SLC43A2: variants seen among roughly 807,000 people sequenced by gnomAD.
SLC43A2 encodes the protein solute carrier family 43 member 2.
SLC43A2 carries 38 observed loss-of-function variants against 63.2 expected under a neutral mutation model. The ratio of observed to expected loss-of-function variants is 0.60; its 90% CI spans 0.46 to 0.79. The LOEUF is 0.79. Among genes scored for constraint, SLC43A2 ranks in the 30% least tolerant of loss-of-function variants. SLC43A2 has a pLI of 0.00. For missense variants in SLC43A2, 644 were observed against 756.2 expected, an observed-to-expected ratio of 0.85 and a Z score of 1.74; for synonymous variants, 322 against 331.0, an observed-to-expected ratio of 0.97 and a Z score of 0.30.
intron 2 of SLC43A2, among the ~76,000 whole-genome samples, chr17:1,618,700 C>T (rs1907898421): frequency 6.6e-6 from 1 of 152,218 alleles, no homozygotes; most frequent in Admixed American, 6.5e-5. Context: ...ATAAAAACAA[C>T]AGGGCCAGGT....
intron 4 of SLC43A2, 134 bp downstream of exon 4, chr17:1,614,845 G>GT (rs1907447989): frequency 2.4e-6 from 2 of 850,312 alleles, no homozygotes; most frequent in East Asian, 2.7e-5. Context: ...GAGTAGAGGC[G>GT]TAACAGGTGT....
At position 1,591,339 on chromosome 17, in the gene SLC43A2, C is replaced by T. The variant is rs768378093; in HGVS notation, c.861G>A (p.Ala287=). The change falls in exon 8 of 14, where the codon GCG becomes GCA. Residue 287 remains alanine, a synonymous_variant. Coordinates refer to ENST00000301335, the MANE Select transcript of SLC43A2 (RefSeq NM_152346.3). Reference sequence around the variant, plus strand: ...GGCACAGCTTGTGGCCCTCCTGCAGCGCCACCTGCTCCTTGGCACTCCTCA... The same window carrying T: ...GGCACAGCTTGTGGCCCTCCTGCAGTGCCACCTGCTCCTTGGCACTCCTCA... ...SSMRSAKEQV[A]LQEGHKLCLS... 2.4e-5 allele frequency: 39 copies of T among 1,609,988 alleles called. No homozygotes were observed. The highest frequency in any genetic ancestry group is 8.3e-5 in the Admixed American group (5 of 60,006).
intron 9 of SLC43A2, among the ~76,000 whole-genome samples, chr17:1,587,140 G>T (rs2076116596): frequency 6.8e-6 from 1 of 147,394 alleles, no homozygotes; most frequent in Non-Finnish European, 1.5e-5. Context: ...GCGCTCAGGG[G>T]AGGCAGAGCT....
rs530223415 is a variant in SLC43A2, at chr17:1,591,263, G to A, written c.931+6C>T. ...CCGTCGCCCGGCTGCGGTCTCAGGC[G>A]GGTACCTGCGGCATCCGGCTGGCAC... On this transcript the variant is annotated splice_donor_region_variant and intron_variant, in intron 8 of 13. Coordinates refer to ENST00000301335, the MANE Select transcript of SLC43A2 (RefSeq NM_152346.3). 53 of 1,602,322 alleles carry A rather than the reference G, an allele frequency of 3.3e-5. No homozygotes were observed. In the African/African-American group the frequency reaches 4.3e-4, roughly 13 times the overall value.
Position 1,578,239 on chromosome 17 carries a change from C to T in SLC43A2, c.1424+11G>A, listed in dbSNP as rs771406090. 6.2e-7 allele frequency: 1 copy of T among 1,611,882 alleles called. No homozygotes were observed. The highest frequency in any genetic ancestry group is 1.7e-5 in the Admixed American group (1 of 60,002). ...TCGCCCACCAGGCCACCTGCGGCTTCCAGGACTTACACGGCAGCGTACAGG... is the reference window on the plus strand; with the variant it reads ...TCGCCCACCAGGCCACCTGCGGCTTTCAGGACTTACACGGCAGCGTACAGG... On this transcript the variant is annotated intron_variant, in intron 12 of 13. Coordinates refer to ENST00000301335, the MANE Select transcript of SLC43A2 (RefSeq NM_152346.3). The surrounding 1 kb of genome is among the most constrained non-coding windows in gnomAD (Gnocchi z 6.5).
At chr17:1,581,222 G>GCACACACACACA (rs1013967085) in intron 11 of SLC43A2, among the ~76,000 whole-genome samples, 1 of 115,344 alleles carries the variant, frequency 8.7e-6, no homozygotes, top group Non-Finnish European at 1.9e-5. Context: ...ACACACACAC[G>GCACACACACACA]CACGCTGTGC....
Position 1,593,345 on chromosome 17 carries a change from A to T in SLC43A2, c.502-66T>A. On this transcript the variant is annotated intron_variant, in intron 5 of 13. Coordinates refer to ENST00000301335, the MANE Select transcript of SLC43A2 (RefSeq NM_152346.3). This position sits in a 1 kb window ranked among gnomAD's most constrained non-coding sequence, Gnocchi z 5.3. ...CACCAGGGAAGGGGAGGAGGAGGGG[A>T]CAGAGAACTAGGCCCCATGAGGCCC... is the stretch of plus-strand genomic sequence containing the variant. 2 of 1,441,624 alleles carry T rather than the reference A, an allele frequency of 1.4e-6. No individual in the cohort carries two copies. Among genetic ancestry groups the T allele is most frequent in the Non-Finnish European group, 1.9e-6 (2 of 1,035,914 alleles). 89.3% of individuals were successfully genotyped at this position (1,441,624 alleles called of 1,614,324 possible). A position where few individuals can be genotyped will look rare whatever the true frequency, so the allele number is the denominator to read the frequency against.
chr17:1,583,509 G>C lies in SLC43A2; in HGVS notation c.1218-173C>G. 2 of 1,157,942 alleles carry C rather than the reference G, an allele frequency of 1.7e-6. No homozygotes were observed. Among genetic ancestry groups the C allele is most frequent in the Non-Finnish European group, 2.4e-6 (2 of 849,676 alleles). The allele number at this position is 1,157,942 out of a possible 1,614,324, so 71.7% of individuals were successfully genotyped here. A position where few individuals can be genotyped will look rare whatever the true frequency, so the allele number is the denominator to read the frequency against. On this transcript the variant is annotated intron_variant, in intron 10 of 13. Coordinates refer to ENST00000301335, the MANE Select transcript of SLC43A2 (RefSeq NM_152346.3). The surrounding 1 kb of genome is among the most constrained non-coding windows in gnomAD (Gnocchi z 5.5). ...TGGACCAGCACTACGGACACTCCCC[G>C]GCCCTTCTCAGTGGCAAGCTGAGTG...
chr17:1,576,827 T>G, intron 12 of SLC43A2, 107 bp from the exon 13 acceptor site: 3 of 1,379,856 alleles, frequency 2.2e-6, no homozygotes, highest in Non-Finnish European at 1.9e-6. Flanking sequence ...AAGGGTGGGG[T>G]GCCAGCCCTC....
At chr17:1,603,647 T>C (rs1298548429) in intron 5 of SLC43A2, among the ~76,000 whole-genome samples, 2 of 151,976 alleles carry the variant, frequency 1.3e-5, no homozygotes, top group African/African-American at 4.8e-5. Context: ...TAGCCAGGCG[T>C]GGTGGCGTGC....
chr17:1,604,036 A>G (rs770530027), intron 5 of SLC43A2, among the ~76,000 whole-genome samples: 22 of 151,922 alleles, frequency 1.4e-4, no homozygotes, highest in Non-Finnish European at 2.9e-4. Context: ...TTTATTTTTC[A>G]TTCATTTACT....
chr17:1,579,392 C>T (rs1296958465), intron 11 of SLC43A2, among the ~76,000 whole-genome samples: 3 of 147,488 alleles, frequency 2.0e-5, no homozygotes, highest in African/African-American at 5.0e-5. Context: ...ACCGGGGAGG[C>T]GGAGGTTGCG....
chr17:1,626,521 ATTCTCCTGCT>A (rs989802696), intron 2 of SLC43A2, among the ~76,000 whole-genome samples: 3 of 152,254 alleles, frequency 2.0e-5, no homozygotes, highest in African/African-American at 7.2e-5. Flanking sequence ...CGGCCTCTGC[ATTCTCCTGCT>A]TTCTCCTGCC....
Position 1,613,264 on chromosome 17 carries a change from G to T in SLC43A2, c.432C>A (p.Ser144=). ...AYGASKPNAL[S]VLIFIALALN... The stretch of plus-strand genomic sequence containing the variant: ...GAGCCAGGGCGATGAAGATGAGCAC[G>T]GAGAGAGCTGCAGGGACATGGAAAG... Residue 144 remains serine, a synonymous_variant, in exon 5 of 14, where the codon TCC becomes TCA. Coordinates refer to ENST00000301335, the MANE Select transcript of SLC43A2 (RefSeq NM_152346.3). 1 of 1,614,094 alleles carries T rather than the reference G, an allele frequency of 6.2e-7. No homozygotes were observed. The highest frequency in any genetic ancestry group is 8.5e-7 in the Non-Finnish European group (1 of 1,180,004).
chr17:1,583,600 G>C lies in SLC43A2; in HGVS notation c.1218-264C>G, dbSNP rs1372398777. 2.3e-6 allele frequency: 1 copy of C among 428,164 alleles called. No individual in the cohort carries two copies. The highest frequency in any genetic ancestry group is 2.0e-5 in the African/African-American group (1 of 50,610). The allele number at this position is 428,164 out of a possible 1,614,324, so 26.5% of individuals were successfully genotyped here. ...CCATATGCTGCAGTGCTCTGTGAAG[G>C]CTGAGCTAAGACGACGGGGAGAGAA... On this transcript the variant is annotated intron_variant, in intron 10 of 13. Coordinates refer to ENST00000301335, the MANE Select transcript of SLC43A2 (RefSeq NM_152346.3). This position sits in a 1 kb window ranked among gnomAD's most constrained non-coding sequence, Gnocchi z 5.5.
intron 5 of SLC43A2, among the ~76,000 whole-genome samples, chr17:1,611,477 A>G (rs1907097180): frequency 6.6e-6 from 1 of 151,990 alleles, no homozygotes; most frequent in Non-Finnish European, 1.5e-5. Context: ...TCTACTAAAA[A>G]TACAAAAATT....
chr17:1,577,777 G>C lies in SLC43A2; in HGVS notation c.1424+473C>G, dbSNP rs555705836. Among the ~76,000 whole-genome samples, 51 of 152,362 alleles carry C rather than the reference G, an allele frequency of 3.3e-4. No homozygotes were observed. In the South Asian group the frequency reaches 0.01, roughly 30 times the overall value. ...CCAGGGCTGGAGAAAGCTATGGCCAGAGCTGGGCGCACTGAGGCTCTGGAT... is the reference window on the plus strand; with the variant it reads ...CCAGGGCTGGAGAAAGCTATGGCCACAGCTGGGCGCACTGAGGCTCTGGAT... On this transcript the variant is annotated intron_variant, in intron 12 of 13. Transcript: ENST00000301335. This position sits in a 1 kb window ranked among gnomAD's most constrained non-coding sequence, Gnocchi z 4.9.
At chr17:1,589,623 A>AT (rs759831961) in intron 9 of SLC43A2, among the ~76,000 whole-genome samples, 9 of 151,536 alleles carry the variant, frequency 5.9e-5, no homozygotes, top group East Asian at 1.9e-4. Context: ...TTCCACAGAT[A>AT]TTTTTTTTTC....
chr17:1,624,895 C>T (rs1188583433), intron 2 of SLC43A2, among the ~76,000 whole-genome samples: 1 of 151,920 alleles, frequency 6.6e-6, no homozygotes, highest in Non-Finnish European at 1.5e-5. Flanking sequence ...GACCCTGTCT[C>T]AAATAAAAAA....
Sources: gnomAD v4.1 joint callset for allele counts (sites outside exome capture counted in the v4.1 genomes callset) on GRCh38, gnomAD v4.1.1 for gene constraint, Gnocchi (gnomAD v3.1) non-coding constraint, MANE v1.5 for transcripts, NCBI Gene and HGNC (gene_info 2026-07-23, HGNC 2026-07-21) for gene names.